Variants in MAF observed in about 807,000 individuals in gnomAD.
MAF encodes transcription factor Maf.
A neutral mutation model predicts 22.0 loss-of-function variants in MAF; 10 were observed. That is an observed-to-expected ratio of 0.45 (90% CI 0.28 to 0.77). The LOEUF (loss-of-function observed/expected upper bound fraction) is 0.77, where lower values mean the gene tolerates loss of function less well. Ranked by LOEUF, MAF falls within the 30% of genes least tolerant of loss-of-function variation. MAF has a pLI of 0.12. For missense variants in MAF, 544 were observed against 548.4 expected (o/e 0.99, Z 0.08); for synonymous variants, 337 against 255.8 (o/e 1.32, Z -3.03).
chr16:79,583,489 C>A (rs977993882), downstream of MAF, among the ~76,000 whole-genome samples: 1 of 152,174 alleles, frequency 6.6e-6, no homozygotes, highest in African/African-American at 2.4e-5. Context: ...AAGTGTCCCA[C>A]CTGCCCTGCC....
the MAF span, among the ~76,000 whole-genome samples, chr16:79,236,576 C>T: frequency 3.3e-5 from 5 of 151,948 alleles, no homozygotes; most frequent in African/African-American, 1.2e-4. Flanking sequence ...ACACTATGCA[C>T]AGTATTAAGA....
the MAF span, among the ~76,000 whole-genome samples, chr16:79,351,423 C>T: frequency 2.0e-5 from 3 of 152,098 alleles, no homozygotes; most frequent in East Asian, 1.9e-4. Flanking sequence ...TCCAGGCTTG[C>T]GGGAGAGAGG....
At chr16:79,327,083 AG>A in the MAF span, among the ~76,000 whole-genome samples, 1 of 152,222 alleles carries the variant, frequency 6.6e-6, no homozygotes, top group African/African-American at 2.4e-5. Context: ...AGCCCAGAAC[AG>A]GGGGTGGCAT....
the MAF span, among the ~76,000 whole-genome samples, chr16:79,445,328 C>T: frequency 6.6e-6 from 1 of 152,276 alleles, no homozygotes; most frequent in South Asian, 2.1e-4. Flanking sequence ...CAGGCGTGAG[C>T]CACTGCGCCC....
chr16:79,358,757 A>T, the MAF span, among the ~76,000 whole-genome samples: 2 of 152,234 alleles, frequency 1.3e-5, no homozygotes, highest in African/African-American at 4.8e-5. Context: ...TGAAACAAGT[A>T]TGCCTCTCCA....
At chr16:79,416,499 C>CA in the MAF span, among the ~76,000 whole-genome samples, 4,809 of 139,900 alleles carry the variant, frequency 0.034, 211 homozygotes, top group African/African-American at 0.1. Context: ...GGTTAAATTG[C>CA]AAAAAAAAAA....
the MAF span, among the ~76,000 whole-genome samples, chr16:79,331,717 C>T: frequency 6.6e-6 from 1 of 152,160 alleles, no homozygotes; most frequent in African/African-American, 2.4e-5. Context: ...ACTGCTATGG[C>T]TCCACATTTC....
chr16:79,357,541 G>T, the MAF span, among the ~76,000 whole-genome samples: 5,888 of 152,212 alleles, frequency 0.039, 253 homozygotes, highest in African/African-American at 0.1. Context: ...GAACCCTGCT[G>T]GGTCAATCCT....
the MAF span, among the ~76,000 whole-genome samples, chr16:79,349,292 G>A: frequency 1.3e-5 from 2 of 152,080 alleles, no homozygotes; most frequent in Non-Finnish European, 2.9e-5. Context: ...CTCCTAAGAG[G>A]GACTTGAGGT....
the MAF span, among the ~76,000 whole-genome samples, chr16:79,223,855 G>A: frequency 6.6e-6 from 1 of 152,194 alleles, no homozygotes; most frequent in Non-Finnish European, 1.5e-5. Flanking sequence ...TTCTGAAATT[G>A]AGGGAGTAAT....
At chr16:79,226,376 CA>C in the MAF span, among the ~76,000 whole-genome samples, 2 of 151,838 alleles carry the variant, frequency 1.3e-5, no homozygotes, top group African/African-American at 4.8e-5. Flanking sequence ...CAGGGCCTGT[CA>C]GGGGGTGGGG....
the MAF span, among the ~76,000 whole-genome samples, chr16:79,419,350 C>T: frequency 6.6e-6 from 1 of 152,148 alleles, no homozygotes; most frequent in Non-Finnish European, 1.5e-5. Flanking sequence ...CTTTTCCTTA[C>T]GTTTGACTCA....
At chr16:79,407,085 G>C in the MAF span, among the ~76,000 whole-genome samples, 20 of 152,222 alleles carry the variant, frequency 1.3e-4, no homozygotes, top group Admixed American at 4.6e-4. Flanking sequence ...TGCGAGGTTG[G>C]CACCAGGGAG....
At chr16:79,539,269 C>T in the MAF span, among the ~76,000 whole-genome samples, 6 of 152,142 alleles carry the variant, frequency 3.9e-5, no homozygotes, top group South Asian at 2.1e-4. Flanking sequence ...TTCGGGAGGC[C>T]GAGCCGGGTG....
chr16:79,417,232 G>C, the MAF span, among the ~76,000 whole-genome samples: 1 of 152,126 alleles, frequency 6.6e-6, no homozygotes, highest in Non-Finnish European at 1.5e-5. Context: ...TGCATTTCTT[G>C]CTTCCATCTT....
At chr16:79,521,805 T>C in the MAF span, among the ~76,000 whole-genome samples, 15 of 152,164 alleles carry the variant, frequency 9.9e-5, no homozygotes, top group Non-Finnish European at 5.9e-5. Context: ...GTGCTTTCTA[T>C]GTGAAAAAGA....
the MAF span, among the ~76,000 whole-genome samples, chr16:79,506,405 G>C: frequency 6.6e-6 from 1 of 152,142 alleles, no homozygotes; most frequent in Non-Finnish European, 1.5e-5. Flanking sequence ...CAGAGTGTGT[G>C]CCCATGACCA....
chr16:79,447,309 C>G, the MAF span, among the ~76,000 whole-genome samples: 1 of 150,496 alleles, frequency 6.6e-6, no homozygotes, highest in Middle Eastern at 3.4e-3. Context: ...ATATTTTAAT[C>G]CCACTGTTAA....
the MAF span, among the ~76,000 whole-genome samples, chr16:79,416,211 C>G: frequency 6.6e-6 from 1 of 152,146 alleles, no homozygotes; most frequent in Non-Finnish European, 1.5e-5. Context: ...GATGGCTGAG[C>G]TGTGGCAGCA....
Sources: gnomAD v4.1 joint callset for allele counts (sites outside exome capture counted in the v4.1 genomes callset) on GRCh38, gnomAD v4.1.1 for gene constraint, MANE v1.5 for transcripts, NCBI Gene and HGNC (gene_info 2026-07-23, HGNC 2026-07-21) for gene names.